The following BABAM2 variants were observed in gnomAD, a reference collection of about 807,000 sequenced individuals.
BABAM2 encodes the protein BRISC and BRCA1-A complex member 2.
Under a neutral mutation model 54.7 loss-of-function variants are expected in BABAM2, and 31 were observed. The observed-to-expected ratio is 0.57, with a 90% CI of 0.43 to 0.77. BABAM2 has a LOEUF of 0.77. Among genes scored for constraint, BABAM2 ranks in the 30% least tolerant of loss-of-function variants. The pLI, the probability that BABAM2 is intolerant of heterozygous loss-of-function variation, is 0.00. For synonymous variants in BABAM2, 167 were observed against 162.9 expected (o/e 1.03, Z -0.19); for missense variants, 364 against 455.8 (o/e 0.80, Z 1.83).
chr2:28,323,540 C>T (rs1690200716), intron 11 of BABAM2, among the ~76,000 whole-genome samples: 3 of 152,198 alleles, frequency 2.0e-5, no homozygotes, highest in Non-Finnish European at 1.5e-5. Flanking sequence ...CATCCCCTCA[C>T]TTTGCAGATG....
intron 6 of BABAM2, among the ~76,000 whole-genome samples, chr2:28,091,143 A>G (rs1173092245): frequency 1.3e-5 from 2 of 152,200 alleles, no homozygotes; most frequent in Non-Finnish European, 2.9e-5. Flanking sequence ...ATTTGTTTTC[A>G]TGTTAGCTTT....
rs1264460401 is a variant in BABAM2 at position 27,929,819 on chromosome 2, G to T, written c.129-13G>T. The T allele has an allele frequency of 1.9e-6, 3 of 1,609,870 alleles. No homozygotes were observed. The highest frequency in any genetic ancestry group is 2.5e-6 in the Non-Finnish European group (3 of 1,177,380). ...AAAATCTTTTCTTTCTTCTGTTTCT[G>T]CATTTTTTAAAGCTGCACATCATTG... On this transcript the variant is annotated splice_polypyrimidine_tract_variant and intron_variant, in intron 2 of 11. Transcript: ENST00000379624.
intron 6 of BABAM2, among the ~76,000 whole-genome samples, chr2:28,093,431 C>T (rs1288367593): frequency 6.6e-6 from 1 of 152,086 alleles, no homozygotes; most frequent in Non-Finnish European, 1.5e-5. Flanking sequence ...TGTACCACAC[C>T]AGTCACTACC....
chr2:27,913,473 T>G (rs1004848691), intron 2 of BABAM2, among the ~76,000 whole-genome samples: 4 of 152,166 alleles, frequency 2.6e-5, no homozygotes, highest in African/African-American at 9.6e-5. Flanking sequence ...AGATACTGTT[T>G]TTTAAAACAA....
At chr2:28,210,686 C>T (rs941455878) in intron 7 of BABAM2, among the ~76,000 whole-genome samples, 2 of 152,130 alleles carry the variant, frequency 1.3e-5, no homozygotes, top group Non-Finnish European at 2.9e-5. Context: ...GCAAACAAGC[C>T]TCCCTCATCC....
Position 28,026,938 on chromosome 2 carries a change from A to ATATATT in BABAM2, c.495+1518_495+1519insTATATT, listed in dbSNP as rs1558667891. 5.4e-3 allele frequency among the ~76,000 whole-genome samples: 59 copies of ATATATT among 11,020 alleles called. 1 individual carries two copies. The highest frequency in any genetic ancestry group is 0.02 in the Non-Finnish European group (38 of 1,924). The allele number at this position is 11,020 out of a possible 152,430, so 7.2% of individuals were successfully genotyped here. A position where few individuals can be genotyped will look rare whatever the true frequency, so the allele number is the denominator to read the frequency against. Reference sequence around the variant, plus strand: ...TATTAATATATATAAATATATATATAAATATATATTAATATATATAAATAT... The same window carrying ATATATT: ...TATTAATATATATAAATATATATATATATATTAATATATATTAATATATATAAATAT... On this transcript the variant is annotated intron_variant, in intron 5 of 11. Coordinates refer to ENST00000379624, the MANE Select transcript of BABAM2 (RefSeq NM_199191.3).
intron 3 of BABAM2, among the ~76,000 whole-genome samples, chr2:27,970,456 A>G (rs1029893695): frequency 6.6e-6 from 1 of 152,206 alleles, no homozygotes; most frequent in Admixed American, 6.5e-5. Flanking sequence ...ACTCACATGT[A>G]TATGTGTATG....
chr2:28,282,114 A>C (rs1026150763), intron 10 of BABAM2, among the ~76,000 whole-genome samples: 1 of 152,222 alleles, frequency 6.6e-6, no homozygotes, highest in African/African-American at 2.4e-5. Flanking sequence ...TAGCAGATCA[A>C]TACAGTGTTG....
chr2:27,979,521 T>C (rs1001186334), intron 3 of BABAM2, among the ~76,000 whole-genome samples: 3 of 152,142 alleles, frequency 2.0e-5, no homozygotes, highest in African/African-American at 7.2e-5. Context: ...TATTTTAAGT[T>C]CTTTGAGAAA....
intron 2 of BABAM2, among the ~76,000 whole-genome samples, chr2:27,916,568 T>A (rs1196529468): frequency 6.6e-6 from 1 of 152,258 alleles, no homozygotes; most frequent in Non-Finnish European, 1.5e-5. Flanking sequence ...AGGTACTTCC[T>A]GTGTGCCAGC....
At chr2:28,303,039 GA>G (rs1464649232) in intron 11 of BABAM2, among the ~76,000 whole-genome samples, 1 of 151,552 alleles carries the variant, frequency 6.6e-6, no homozygotes, top group Non-Finnish European at 1.5e-5. Flanking sequence ...TTTTTTAATA[GA>G]GACAATATTT....
At chr2:28,224,224 A>G (rs923153000) in intron 7 of BABAM2, among the ~76,000 whole-genome samples, 10 of 152,210 alleles carry the variant, frequency 6.6e-5, no homozygotes, top group African/African-American at 2.4e-4. Context: ...TGAATATTAG[A>G]AACATTAACT....
intron 3 of BABAM2, among the ~76,000 whole-genome samples, chr2:27,951,042 T>C (rs1051952735): frequency 6.6e-6 from 1 of 152,188 alleles, no homozygotes; most frequent in Admixed American, 6.5e-5. Context: ...CCGCAACTGT[T>C]TTCTTTGCCA....
At chr2:28,221,828 G>A (rs1680445739) in intron 7 of BABAM2, among the ~76,000 whole-genome samples, 1 of 152,174 alleles carries the variant, frequency 6.6e-6, no homozygotes, top group Non-Finnish European at 1.5e-5. Flanking sequence ...CAAGTCTAGA[G>A]TTGGGTTGGT....
intron 6 of BABAM2, among the ~76,000 whole-genome samples, chr2:28,109,466 G>A (rs942103237): frequency 2.0e-5 from 3 of 152,086 alleles, no homozygotes; most frequent in African/African-American, 7.2e-5. Flanking sequence ...GGGATTACAG[G>A]TGTGAGCCAC....
chr2:28,142,256 T>C (rs1671130568), intron 7 of BABAM2, among the ~76,000 whole-genome samples: 1 of 152,164 alleles, frequency 6.6e-6, no homozygotes, highest in South Asian at 2.1e-4. Context: ...AATGACTTAA[T>C]GAATGGGGAA....
intron 6 of BABAM2, among the ~76,000 whole-genome samples, chr2:28,072,449 G>A (rs1464940405): frequency 1.3e-5 from 2 of 150,160 alleles, no homozygotes; most frequent in African/African-American, 4.9e-5. Context: ...GCAGTGGCAC[G>A]ATCTTGGCTC....
At chr2:28,242,965 T>C (rs1394285694) in intron 9 of BABAM2, among the ~76,000 whole-genome samples, 1 of 152,074 alleles carries the variant, frequency 6.6e-6, no homozygotes, top group Admixed American at 6.5e-5. Context: ...GTATATATAA[T>C]TAAACATGAA....
intron 10 of BABAM2, among the ~76,000 whole-genome samples, chr2:28,254,759 T>G (rs1205011846): frequency 2.2e-5 from 3 of 135,454 alleles, no homozygotes; most frequent in East Asian, 2.0e-4. Context: ...TGAGACAGGG[T>G]CTTGCTCTGT....
Sources: allele counts gnomAD v4.1 joint callset (sites outside exome capture counted in the v4.1 genomes callset), GRCh38; gene constraint gnomAD v4.1.1; transcripts MANE v1.5; gene names NCBI Gene and HGNC (gene_info 2026-07-23, HGNC 2026-07-21).